NKD1: variants seen among roughly 807,000 people sequenced by gnomAD.
NKD1 encodes protein naked cuticle homolog 1.
Under a neutral mutation model 56.0 loss-of-function variants are expected in NKD1, and 21 were observed. The ratio of observed to expected loss-of-function variants is 0.38; its 90% CI spans 0.27 to 0.54. NKD1 has a LOEUF of 0.54. NKD1 is among the 20% of genes least tolerant of loss of function. The probability of loss-of-function intolerance (pLI) is 0.82; values close to 1 mark genes in which losing one functional copy is unlikely to be tolerated. For synonymous variants in NKD1, 263 were observed against 265.7 expected (o/e 0.99, Z 0.10); for missense variants, 578 against 642.7 (o/e 0.90, Z 1.09).
chr16:50,568,564 G>A (rs1960814453), intron 3 of NKD1, among the ~76,000 whole-genome samples: 1 of 152,308 alleles, frequency 6.6e-6, no homozygotes, highest in Middle Eastern at 3.4e-3. Context: ...GGCAGCGAGA[G>A]AGGGGGGTCT....
At chr16:50,606,771 G>T (rs942883476) in intron 3 of NKD1, 1 of 456,280 alleles carries the variant, frequency 2.2e-6, no homozygotes, top group African/African-American at 2.0e-5. Context: ...GAAGAGGTGC[G>T]CAGATTCTCT....
chr16:50,591,299 CAG>C (rs975442666), intron 3 of NKD1, among the ~76,000 whole-genome samples: 7 of 152,330 alleles, frequency 4.6e-5, no homozygotes, highest in Admixed American at 3.9e-4. Flanking sequence ...CCCCTGTGGG[CAG>C]GGTGTCTGGC....
intron 3 of NKD1, among the ~76,000 whole-genome samples, chr16:50,600,364 TACTC>T (rs1052698925): frequency 1.3e-5 from 2 of 151,816 alleles, no homozygotes; most frequent in African/African-American, 4.8e-5. Flanking sequence ...GAGTCGCAGA[TACTC>T]AGGAGAGTCA....
chr16:50,600,645 C>T (rs565261683), intron 3 of NKD1, among the ~76,000 whole-genome samples: 336 of 152,332 alleles, frequency 2.2e-3, no homozygotes, highest in Middle Eastern at 0.01. Context: ...TGGATGCCTG[C>T]GACTTGCTGG....
At chr16:50,592,791 C>G (rs908604407) in intron 3 of NKD1, among the ~76,000 whole-genome samples, 1 of 141,030 alleles carries the variant, frequency 7.1e-6, no homozygotes, top group Non-Finnish European at 1.5e-5. Context: ...GGGGAGGGGG[C>G]GGAATTGAAG....
intron 4 of NKD1, among the ~76,000 whole-genome samples, chr16:50,618,027 C>A (rs895992117): frequency 1.4e-4 from 21 of 152,148 alleles, no homozygotes; most frequent in Non-Finnish European, 2.8e-4. Flanking sequence ...GGCTGTGTCC[C>A]AATAAAACTT....
intron 3 of NKD1, among the ~76,000 whole-genome samples, chr16:50,566,873 A>C (rs1960770599): frequency 6.6e-6 from 1 of 152,204 alleles, no homozygotes; most frequent in South Asian, 2.1e-4. Flanking sequence ...TCAAGGAGTG[A>C]GTAACAAGAC....
Position 50,565,366 on chromosome 16 carries a change from C to T in NKD1, c.192+15811C>T, listed in dbSNP as rs575587000. Among the ~76,000 whole-genome samples, 348 of 140,664 alleles carry T rather than the reference C, an allele frequency of 2.5e-3. 1 individual carries two copies. The highest frequency in any genetic ancestry group is 4.0e-3 in the Non-Finnish European group (263 of 65,750). 92.3% of individuals were successfully genotyped at this position (140,664 alleles called of 152,430 possible). On this transcript the variant is annotated intron_variant, in intron 3 of 9. Transcript: ENST00000268459. Reference sequence around the variant, plus strand: ...CAGTCTGGGCAACAGAGTGAGACTCCGTCTCAAAAAAAAAAAAAAGGTGAT... The same window carrying T: ...CAGTCTGGGCAACAGAGTGAGACTCTGTCTCAAAAAAAAAAAAAAGGTGAT...
Position 50,648,469 on chromosome 16 carries a change from G to T in NKD1, c.*14688G>T, listed in dbSNP as rs1962720906. 1 of 152,430 alleles carries T rather than the reference G, an allele frequency of 6.6e-6. No homozygotes were observed. The highest frequency in any genetic ancestry group is 1.5e-5 in the Non-Finnish European group (1 of 68,016). The allele number at this position is 152,430 out of a possible 1,614,324, so 9.4% of individuals were successfully genotyped here. On this transcript the variant is annotated 3_prime_UTR_variant, in exon 10 of 10. Coordinates refer to ENST00000268459, the MANE Select transcript of NKD1 (RefSeq NM_033119.5). ...TAATTGCCATCATCCTCACCAAGTT[G>T]CCACTGGACTTTCTTGCCCCTAAAT...
intron 3 of NKD1, among the ~76,000 whole-genome samples, chr16:50,586,132 G>A (rs1961224326): frequency 6.6e-6 from 1 of 152,182 alleles, no homozygotes. Flanking sequence ...CAGCCCTGCT[G>A]CCTCCATGCC....
intron 3 of NKD1, among the ~76,000 whole-genome samples, chr16:50,564,393 G>A (rs148763810): frequency 0.011 from 1,639 of 152,334 alleles, 34 homozygotes; most frequent in African/African-American, 0.038. Flanking sequence ...CATTGAGTGG[G>A]TGGCTGTTTT....
intron 3 of NKD1, among the ~76,000 whole-genome samples, chr16:50,592,273 C>CCA (rs1203788157): frequency 3.9e-5 from 6 of 152,240 alleles, no homozygotes; most frequent in Admixed American, 3.9e-4. Context: ...CCTTCTAAGG[C>CCA]CACTGTCCCC....
intron 3 of NKD1, among the ~76,000 whole-genome samples, chr16:50,588,234 C>T (rs1416790919): frequency 6.6e-6 from 1 of 152,212 alleles, no homozygotes; most frequent in Non-Finnish European, 1.5e-5. Flanking sequence ...AATAGAGGAA[C>T]CAGTATTTCT....
intron 3 of NKD1, among the ~76,000 whole-genome samples, chr16:50,602,628 T>A (rs1165216529): frequency 6.6e-6 from 1 of 152,226 alleles, no homozygotes; most frequent in Non-Finnish European, 1.5e-5. Context: ...CTCCCCTCTC[T>A]GGAAGTCACC....
intron 3 of NKD1, among the ~76,000 whole-genome samples, chr16:50,591,726 T>C (rs113478926): frequency 1.9e-3 from 292 of 152,348 alleles, no homozygotes; most frequent in African/African-American, 6.2e-3. Flanking sequence ...TTTGAGTTGA[T>C]TGAAGCACGG....
chr16:50,561,927 C>T (rs1784676285), intron 3 of NKD1, among the ~76,000 whole-genome samples: 1 of 152,108 alleles, frequency 6.6e-6, no homozygotes. Context: ...GGTTTAGGAT[C>T]CTGGCGGTCA....
At chr16:50,615,266 C>T (rs750070176) in intron 4 of NKD1, among the ~76,000 whole-genome samples, 2 of 152,204 alleles carry the variant, frequency 1.3e-5, no homozygotes, top group Non-Finnish European at 2.9e-5. Context: ...CCTGGTTCTG[C>T]TACTTACCGT....
At position 50,632,319 on chromosome 16, in the gene NKD1, A is replaced by G; in HGVS notation, c.734A>G (p.Tyr245Cys). The change falls in exon 9 of 10, where the codon TAC becomes TGC. Residue 245 changes from tyrosine (Y) to cysteine (C), a missense_variant. Physicochemically the swap from Tyr to Cys is radical, Grantham distance 194 (BLOSUM62 -2). Transcript: ENST00000268459. This position sits in a 1 kb window ranked among gnomAD's most constrained non-coding sequence, Gnocchi z 4.1. ...GDSRLEQSGC[Y>C]HHCVDENIER... ...AGCCGCCTGGAGCAGTCTGGCTGCT[A>G]CCACCATTGCGTAGATGAGAACATC... 6.2e-7 allele frequency: 1 copy of G among 1,614,076 alleles called. No individual in the cohort carries two copies. Among genetic ancestry groups the G allele is most frequent in the Non-Finnish European group, 8.5e-7 (1 of 1,179,926 alleles).
intron 3 of NKD1, among the ~76,000 whole-genome samples, chr16:50,559,503 CCTT>C (rs1011967738): frequency 5.3e-5 from 8 of 151,974 alleles, no homozygotes; most frequent in Non-Finnish European, 1.0e-4. Context: ...TGTTCAGCCT[CCTT>C]CTCGGTGTCT....
Sources: gnomAD v4.1 joint callset for allele counts (sites outside exome capture counted in the v4.1 genomes callset) on GRCh38, gnomAD v4.1.1 for gene constraint, Gnocchi (gnomAD v3.1) non-coding constraint, MANE v1.5 for transcripts, NCBI Gene and HGNC (gene_info 2026-07-23, HGNC 2026-07-21) for gene names.